Variants in NXPE1 observed in about 807,000 individuals in gnomAD.
NXPE1 encodes the protein neurexophilin and PC-esterase domain family member 1, also known as NXPE family member 1.
In NXPE1, 31 loss-of-function variants were observed where a neutral mutation model predicts 33.3. The observed-to-expected ratio is 0.93, with a 90% confidence interval of 0.70 to 1.26. The LOEUF is 1.26. Among genes scored for constraint, NXPE1 ranks in the 50% most tolerant of loss-of-function variants. The probability of loss-of-function intolerance (pLI) is 0.00; values close to 1 mark genes in which losing one functional copy is unlikely to be tolerated. For synonymous variants in NXPE1, 229 were observed against 231.4 expected, an observed-to-expected ratio of 0.99 and a Z score of 0.09; for missense variants, 661 against 655.6, an observed-to-expected ratio of 1.01 and a Z score of -0.09.
At chr11:114,544,873 A>G (rs558436977) in intron 5 of NXPE1, among the ~76,000 whole-genome samples, 122 of 152,298 alleles carry the variant, frequency 8.0e-4, no homozygotes, top group Non-Finnish European at 1.3e-3. Flanking sequence ...AAACTCAATA[A>G]TAAGAGAAAA....
chr11:114,521,313 T>C (rs965323610), downstream of NXPE1, among the ~76,000 whole-genome samples: 1 of 152,236 alleles, frequency 6.6e-6, no homozygotes, highest in Admixed American at 6.5e-5. Flanking sequence ...TCATGGATTT[T>C]ATATATTATG....
chr11:114,531,092 ATAT>A (rs1336287548), intron 5 of NXPE1, among the ~76,000 whole-genome samples, 184 bp from the exon 6 acceptor site: 10 of 151,796 alleles, frequency 6.6e-5, no homozygotes, highest in African/African-American at 2.4e-4. Context: ...AGGAAATGAG[ATAT>A]TATGATGATG....
intron 1 of NXPE1, chr11:114,554,149 C>G (rs1435445127): frequency 1.1e-5 from 11 of 985,290 alleles, no homozygotes; most frequent in South Asian, 4.7e-5. Context: ...AGGATTGAAT[C>G]AATGTACAGA....
At chr11:114,551,385 A>T in exon 4 of NXPE1, 1 of 1,373,250 alleles carries the variant, frequency 7.3e-7, no homozygotes, top group South Asian at 1.8e-5. Context: ...TTGTCTACCT[A>T]TTGGATACTT....
At chr11:114,532,544 A>G (rs1947622415) in intron 5 of NXPE1, among the ~76,000 whole-genome samples, 1 of 152,088 alleles carries the variant, frequency 6.6e-6, no homozygotes, top group Non-Finnish European at 1.5e-5. Flanking sequence ...AGATGCTTTT[A>G]TTGGTGAGTA....
chr11:114,529,118 G>T (rs1440832075), intron 6 of NXPE1: 1 of 288,366 alleles, frequency 3.5e-6, no homozygotes, highest in Non-Finnish European at 6.4e-6. Flanking sequence ...CTCTAAACTT[G>T]ACTTTGAAAA....
intron 5 of NXPE1, among the ~76,000 whole-genome samples, chr11:114,532,226 A>T (rs1423130677): frequency 1.3e-5 from 2 of 152,250 alleles, no homozygotes; most frequent in Admixed American, 6.5e-5. Context: ...GATATCATTT[A>T]AAAAAGATGA....
chr11:114,551,297 C>T, intron 4 of NXPE1, 86 bp from the exon 5 acceptor site: 1 of 1,346,874 alleles, frequency 7.4e-7, no homozygotes, highest in African/African-American at 1.5e-5. Flanking sequence ...TGTAATTTGC[C>T]TCCAACATTT....
intron 5 of NXPE1, among the ~76,000 whole-genome samples, chr11:114,539,319 ATATACC>A (rs1947991917): frequency 6.6e-6 from 1 of 151,844 alleles, no homozygotes; most frequent in African/African-American, 2.4e-5. Context: ...GCATTAGGAG[ATATACC>A]TATTGCTAAA....
intron 5 of NXPE1, among the ~76,000 whole-genome samples, chr11:114,535,214 T>G (rs1219879265): frequency 6.6e-6 from 1 of 151,928 alleles, no homozygotes; most frequent in Non-Finnish European, 1.5e-5. Flanking sequence ...TACAATACTT[T>G]ACAGACAAGC....
At chr11:114,524,515 G>C (rs1947310015) in intron 7 of NXPE1, among the ~76,000 whole-genome samples, 3 of 152,124 alleles carry the variant, frequency 2.0e-5, no homozygotes, top group Admixed American at 1.3e-4. Context: ...TGGTGATTTG[G>C]CTTACTAAAG....
In NXPE1 at chr11:114,530,171, T is replaced by C. The variant is rs1397407418; in HGVS notation, c.833+4A>G. 1 of 1,593,396 alleles carries C rather than the reference T, an allele frequency of 6.3e-7. No individual in the cohort carries two copies. The highest frequency in any genetic ancestry group is 8.5e-7 in the Non-Finnish European group (1 of 1,171,278). ...TTCTCAGTATACATGAAAAGTATAC[T>C]CACCTGTGGAAAAGGCTGTTTTCCT... On this transcript the variant is annotated splice_donor_region_variant and intron_variant, in intron 6 of 8. Coordinates refer to ENST00000534921, the Ensembl canonical transcript of NXPE1.
At chr11:114,555,316 C>A (rs146532943) in intron 1 of NXPE1, among the ~76,000 whole-genome samples, 2 of 152,140 alleles carry the variant, frequency 1.3e-5, no homozygotes, top group South Asian at 4.2e-4. Context: ...CTCCACCTCC[C>A]GGGTTCAAGT....
rs1380179859 is a variant in NXPE1 at position 114,527,891 on chromosome 11, C to G, written c.844G>C (p.Gly282Arg). 1.9e-6 allele frequency: 3 copies of G among 1,573,996 alleles called. No individual in the cohort carries two copies. In the African/African-American group the frequency reaches 5.2e-5, roughly 27 times the overall value. Residue 282 changes from glycine (G) to arginine (R), a missense_variant, in exon 7 of 9, where the codon GGA becomes CGA. Gly to Arg is a moderately radical substitution (Grantham distance 125). Coordinates refer to ENST00000534921, the Ensembl canonical transcript of NXPE1. ...TTACGATCCTTCATCATTTCAACTC[C>G]CACTTTGGACCTTCAAAAAAAAAAT...
At chr11:114,539,933 A>C (rs1591285726) in intron 5 of NXPE1, among the ~76,000 whole-genome samples, 2 of 152,200 alleles carry the variant, frequency 1.3e-5, no homozygotes, top group Non-Finnish European at 2.9e-5. Flanking sequence ...CACACTACAT[A>C]CTAAAGTTCC....
chr11:114,532,339 C>A (rs191977365), intron 5 of NXPE1, among the ~76,000 whole-genome samples: 2 of 151,990 alleles, frequency 1.3e-5, no homozygotes, highest in East Asian at 1.9e-4. Context: ...TGAAATTCCC[C>A]CAAAAGAACC....
chr11:114,537,884 C>A (rs1286643246), intron 5 of NXPE1, among the ~76,000 whole-genome samples: 1 of 151,978 alleles, frequency 6.6e-6, no homozygotes, highest in Non-Finnish European at 1.5e-5. Flanking sequence ...TCAATGCCAT[C>A]CCCATCAAGC....
chr11:114,538,345 G>A (rs914901847), intron 5 of NXPE1, among the ~76,000 whole-genome samples: 1 of 152,068 alleles, frequency 6.6e-6, no homozygotes, highest in South Asian at 2.1e-4. Context: ...AACCTAGGCA[G>A]TACCATTCAG....
At chr11:114,539,751 G>A (rs1200132038) in intron 5 of NXPE1, among the ~76,000 whole-genome samples, 2 of 151,996 alleles carry the variant, frequency 1.3e-5, no homozygotes, top group Admixed American at 6.6e-5. Context: ...AAATATAATT[G>A]TAAAGTGCAA....
Sources: allele counts gnomAD v4.1 joint callset (sites outside exome capture counted in the v4.1 genomes callset), GRCh38; gene constraint gnomAD v4.1.1; transcripts MANE v1.5; gene names NCBI Gene and HGNC (gene_info 2026-07-23, HGNC 2026-07-21).